PCNX2: variants seen among roughly 807,000 people sequenced by gnomAD.
PCNX2 encodes pecanex-like protein 2.
A neutral mutation model predicts 223.8 loss-of-function variants in PCNX2; 168 were observed. That is an observed-to-expected ratio of 0.75 (90% CI 0.66 to 0.85). The LOEUF (loss-of-function observed/expected upper bound fraction) is 0.85, where lower values mean the gene tolerates loss of function less well. PCNX2 is among the 40% of genes least tolerant of loss of function. The pLI is 0.00. For missense variants in PCNX2, 2,507 were observed against 2,675.5 expected, an observed-to-expected ratio of 0.94 and a Z score of 1.39; for synonymous variants, 1,006 against 1,052.6, an observed-to-expected ratio of 0.96 and a Z score of 0.86.
chr1:233,202,990 T>C (rs992316987), intron 13 of PCNX2, among the ~76,000 whole-genome samples: 5 of 152,218 alleles, frequency 3.3e-5, no homozygotes, highest in African/African-American at 1.2e-4. Context: ...ACTGGCTTCT[T>C]TGTACTGAGC....
chr1:232,989,449 G>A (rs1265151922), intron 32 of PCNX2, among the ~76,000 whole-genome samples: 11 of 150,756 alleles, frequency 7.3e-5, no homozygotes, highest in African/African-American at 1.5e-4. Flanking sequence ...GTGAGACTCC[G>A]TCTCAAAAAA....
At chr1:233,038,162 G>T (rs1195857764) in intron 25 of PCNX2, among the ~76,000 whole-genome samples, 2 of 152,164 alleles carry the variant, frequency 1.3e-5, no homozygotes, top group Non-Finnish European at 2.9e-5. Flanking sequence ...TTTTCAACCA[G>T]CTCATGGGAG....
At chr1:233,182,207 C>T (rs1679841749) in intron 15 of PCNX2, among the ~76,000 whole-genome samples, 1 of 152,184 alleles carries the variant, frequency 6.6e-6, no homozygotes, top group African/African-American at 2.4e-5. Flanking sequence ...AAGTTTTTGA[C>T]ATGGGAGGGG....
At chr1:233,220,909 T>C (rs1272389832) in intron 10 of PCNX2, among the ~76,000 whole-genome samples, 3 of 152,174 alleles carry the variant, frequency 2.0e-5, no homozygotes, top group Non-Finnish European at 2.9e-5. Flanking sequence ...AGATGATTGA[T>C]TGATAGATAC....
intron 23 of PCNX2, among the ~76,000 whole-genome samples, chr1:233,084,361 T>C (rs2102927959): frequency 6.6e-6 from 1 of 152,340 alleles, no homozygotes; most frequent in Non-Finnish European, 1.5e-5. Flanking sequence ...CACAGAGTGA[T>C]TCCTGCTAGG....
At position 232,991,836 on chromosome 1, in the gene PCNX2, G is replaced by A. The variant is rs1669709747; in HGVS notation, c.5792-5296C>T. On this transcript the variant is annotated intron_variant, in intron 32 of 33. Coordinates refer to ENST00000258229, the MANE Select transcript of PCNX2 (RefSeq NM_014801.4). This position sits in a 1 kb window ranked among gnomAD's most constrained non-coding sequence, Gnocchi z 4.3. ...CCCACACCTGGATCTCAGACTTCCA[G>A]CCTCCAGAACTGGCAGACAGTAGGT... Among the ~76,000 whole-genome samples the A allele has an allele frequency of 1.3e-5, 2 of 152,102 alleles. No individual in the cohort carries two copies. The highest frequency in any genetic ancestry group is 6.6e-5 in the Admixed American group (1 of 15,266).
At chr1:233,276,452 T>G (rs1660919686) in intron 1 of PCNX2, among the ~76,000 whole-genome samples, 1 of 152,202 alleles carries the variant, frequency 6.6e-6, no homozygotes, top group African/African-American at 2.4e-5. Context: ...ACTGTACACT[T>G]AAAGGTGGTT....
chr1:233,278,630 G>A (rs1661030808), intron 1 of PCNX2, among the ~76,000 whole-genome samples: 1 of 152,170 alleles, frequency 6.6e-6, no homozygotes, highest in Non-Finnish European at 1.5e-5. Flanking sequence ...CAAGGGACAG[G>A]AGTCAGATCG....
intron 28 of PCNX2, among the ~76,000 whole-genome samples, chr1:233,012,595 C>T (rs1166064188): frequency 6.6e-6 from 1 of 151,832 alleles, no homozygotes; most frequent in Non-Finnish European, 1.5e-5. Flanking sequence ...GTAGAGTTGA[C>T]ATTGAGTATG....
At chr1:233,263,973 T>C (rs1660199214) in intron 1 of PCNX2, among the ~76,000 whole-genome samples, 1 of 152,124 alleles carries the variant, frequency 6.6e-6, no homozygotes, top group African/African-American at 2.4e-5. Flanking sequence ...TGGATTTCCC[T>C]AGGGTTGTAT....
At chr1:233,118,839 A>G (rs1338319163) in intron 21 of PCNX2, among the ~76,000 whole-genome samples, 1 of 152,226 alleles carries the variant, frequency 6.6e-6, no homozygotes, top group African/African-American at 2.4e-5. Flanking sequence ...ATGTTTTTTT[A>G]CAGATGCAAT....
At chr1:233,031,929 C>A (rs1400244080) in intron 25 of PCNX2, 2 of 985,174 alleles carry the variant, frequency 2.0e-6, no homozygotes, top group Non-Finnish European at 2.4e-6. Context: ...ACCACCATAA[C>A]CTGACTGCTC....
intron 15 of PCNX2, among the ~76,000 whole-genome samples, chr1:233,184,126 G>A (rs1247433042): frequency 1.3e-5 from 2 of 152,216 alleles, no homozygotes; most frequent in Non-Finnish European, 2.9e-5. Flanking sequence ...TTTTGTGAAG[G>A]TGGAACCTTT....
At chr1:233,054,969 A>G (rs376718707) in intron 24 of PCNX2, among the ~76,000 whole-genome samples, 9 of 152,324 alleles carry the variant, frequency 5.9e-5, no homozygotes, top group African/African-American at 1.9e-4. Flanking sequence ...AGCGCTTAGA[A>G]TAATGCATTC....
chr1:233,194,071 A>T lies in PCNX2; in HGVS notation c.3066+4868T>A, dbSNP rs1014836907. Among the ~76,000 whole-genome samples, 4 of 122,316 alleles carry T rather than the reference A, an allele frequency of 3.3e-5. No individual in the cohort carries two copies. The Admixed American group carries it at 3.9e-4, about 12-fold the overall frequency. The allele number at this position is 122,316 out of a possible 152,430, so 80.2% of individuals were successfully genotyped here. A position where few individuals can be genotyped will look rare whatever the true frequency, so the allele number is the denominator to read the frequency against. On this transcript the variant is annotated intron_variant, in intron 15 of 33. Transcript: ENST00000258229. Reference sequence around the variant, plus strand: ...GTTCAGAGAATCCTAAGTAAAATAAAAAAAAAAAACGCCATACACTTAGTC... The same window carrying T: ...GTTCAGAGAATCCTAAGTAAAATAATAAAAAAAAACGCCATACACTTAGTC...
At chr1:233,288,031 C>G (rs945753310) in intron 1 of PCNX2, among the ~76,000 whole-genome samples, 3 of 152,034 alleles carry the variant, frequency 2.0e-5, no homozygotes, top group Admixed American at 6.6e-5. Flanking sequence ...ATGCACTAGA[C>G]AAAAAATGTG....
intron 26 of PCNX2, chr1:233,018,661 A>C: frequency 1.6e-6 from 1 of 614,624 alleles, no homozygotes; most frequent in Non-Finnish European, 2.0e-6. Context: ...GCTGCTGTGG[A>C]GTCCCTGCCA....
chr1:233,198,450 G>A (rs554964005), intron 15 of PCNX2, among the ~76,000 whole-genome samples: 2 of 152,142 alleles, frequency 1.3e-5, no homozygotes, highest in Non-Finnish European at 2.9e-5. Context: ...ATCATCTTAG[G>A]CTTCCCTTGC....
chr1:233,100,209 T>C (rs908747342), intron 21 of PCNX2, among the ~76,000 whole-genome samples: 3 of 152,046 alleles, frequency 2.0e-5, no homozygotes, highest in African/African-American at 4.8e-5. Flanking sequence ...GGTCAGGAGT[T>C]CCAGAACAGC....
Sources: gnomAD v4.1 joint callset for allele counts (sites outside exome capture counted in the v4.1 genomes callset) on GRCh38, gnomAD v4.1.1 for gene constraint, Gnocchi (gnomAD v3.1) non-coding constraint, MANE v1.5 for transcripts, NCBI Gene and HGNC (gene_info 2026-07-23, HGNC 2026-07-21) for gene names.